Variants in PIK3C2A observed in about 807,000 individuals in gnomAD.
The protein encoded by PIK3C2A is phosphatidylinositol-4-phosphate 3-kinase catalytic subunit type 2 alpha.
Under a neutral mutation model 204.5 loss-of-function variants are expected in PIK3C2A, and 97 were observed. The observed-to-expected ratio is 0.47, with a 90% CI of 0.40 to 0.56. PIK3C2A has a LOEUF of 0.56. Ranked by LOEUF, PIK3C2A falls within the 20% of genes least tolerant of loss-of-function variation. PIK3C2A has a pLI of 0.00. For synonymous variants in PIK3C2A, 653 were observed against 664.4 expected (o/e 0.98, Z 0.26); for missense variants, 1,735 against 1,969.2 (o/e 0.88, Z 2.25).
chr11:17,182,921 C>G (rs1851613327), intron 1 of PIK3C2A, among the ~76,000 whole-genome samples: 1 of 152,150 alleles, frequency 6.6e-6, no homozygotes, highest in South Asian at 2.1e-4. Context: ...TTCACTGCAG[C>G]CTCGACCTCC....
At chr11:17,123,474 G>A (rs1406659127) in intron 13 of PIK3C2A, among the ~76,000 whole-genome samples, 1 of 142,228 alleles carries the variant, frequency 7.0e-6, no homozygotes, top group Non-Finnish European at 1.5e-5. Flanking sequence ...GCCCAAGCTC[G>A]TCTTGAACTC....
chr11:17,138,968 C>A lies in PIK3C2A; in HGVS notation c.1705-2343G>T, dbSNP rs1442025209. On this transcript the variant is annotated intron_variant, in intron 8 of 32. Transcript: ENST00000691414. ...TGTCCCCCAGGCTGGAGTGCGATGGCGCGATCTTGGCTCACTGCAACCTCC... is the reference window on the plus strand; with the variant it reads ...TGTCCCCCAGGCTGGAGTGCGATGGAGCGATCTTGGCTCACTGCAACCTCC... Among the ~76,000 whole-genome samples the A allele has an allele frequency of 3.3e-5, 5 of 151,878 alleles. No homozygotes were observed. In the East Asian group the frequency reaches 7.7e-4, roughly 23 times the overall value.
At chr11:17,115,607 G>A in intron 19 of PIK3C2A, 1 of 150,268 alleles carries the variant, frequency 6.7e-6, no homozygotes, top group East Asian at 1.9e-4. Flanking sequence ...ATATAGAATT[G>A]AGAGTCTAGA....
In PIK3C2A at chr11:17,182,598, A is replaced by G. The variant is rs1017110575; in HGVS notation, c.-65-12792T>C. On this transcript the variant is annotated intron_variant, in intron 1 of 32. Transcript: ENST00000691414. ...AAAAAAAAAAAAAAGTTCGACTTGG[A>G]AAGTTTATCTTTTAGTGATAACATT... is the stretch of plus-strand genomic sequence containing the variant. Among the ~76,000 whole-genome samples, 3 of 151,374 alleles carry G rather than the reference A, an allele frequency of 2.0e-5. 1 individual carries two copies. The highest frequency in any genetic ancestry group is 6.6e-5 in the Admixed American group (1 of 15,196).
intron 25 of PIK3C2A, among the ~76,000 whole-genome samples, chr11:17,100,500 G>A (rs1336251346): frequency 6.6e-6 from 1 of 152,154 alleles, no homozygotes; most frequent in Non-Finnish European, 1.5e-5. Flanking sequence ...GGGATTACAG[G>A]CATGAGCCAC....
intron 8 of PIK3C2A, among the ~76,000 whole-genome samples, chr11:17,144,287 G>T (rs1850160193): frequency 6.6e-6 from 1 of 152,088 alleles, no homozygotes; most frequent in Non-Finnish European, 1.5e-5. Flanking sequence ...CCTCAACTTA[G>T]GTAAGGTGCT....
chr11:17,195,019 C>T (rs145893379), intron 1 of PIK3C2A, among the ~76,000 whole-genome samples: 1 of 152,178 alleles, frequency 6.6e-6, no homozygotes, highest in Non-Finnish European at 1.5e-5. Flanking sequence ...AGTATGCAGT[C>T]ACATTTCCAA....
At chr11:17,096,927 T>G in intron 27 of PIK3C2A, 130 bp downstream of exon 27, 3 of 615,308 alleles carry the variant, frequency 4.9e-6, no homozygotes, top group Non-Finnish European at 8.6e-6. Context: ...TACTTATTTA[T>G]GGACCATTCA....
At chr11:17,193,739 G>C (rs1284370590) in intron 1 of PIK3C2A, among the ~76,000 whole-genome samples, 1 of 150,974 alleles carries the variant, frequency 6.6e-6, no homozygotes, top group East Asian at 2.0e-4. Context: ...CCAGCTACTC[G>C]GGAGGCTGCG....
Position 17,169,761 on chromosome 11 carries a change from C to T in PIK3C2A, c.-20G>A, listed in dbSNP as rs540557619. Reference sequence around the variant, plus strand: ...AGCCATGTCCACTAAAAAGACCAAACCTTCCTTCCTCTATTTTTTTCTTGT... The same window carrying T: ...AGCCATGTCCACTAAAAAGACCAAATCTTCCTTCCTCTATTTTTTTCTTGT... On this transcript the variant is annotated 5_prime_UTR_variant, in exon 2 of 33. Transcript: ENST00000691414. The T allele has an allele frequency of 1.3e-6, 2 of 1,524,840 alleles. No homozygotes were observed. Among genetic ancestry groups the T allele is most frequent in the East Asian group, 4.5e-5 (2 of 44,328 alleles). The allele number at this position is 1,524,840 out of a possible 1,614,324, so 94.5% of individuals were successfully genotyped here.
At chr11:17,197,100 C>T (rs895859702) in intron 1 of PIK3C2A, among the ~76,000 whole-genome samples, 7 of 151,952 alleles carry the variant, frequency 4.6e-5, no homozygotes, top group African/African-American at 1.7e-4. Context: ...AGGCTCACTG[C>T]AACCTCCACC....
chr11:17,126,639 T>C (rs1470838886), intron 13 of PIK3C2A, among the ~76,000 whole-genome samples: 3 of 152,148 alleles, frequency 2.0e-5, no homozygotes, highest in Non-Finnish European at 4.4e-5. Flanking sequence ...ATAATAATCA[T>C]CTCTCTTAAT....
At chr11:17,140,809 A>G (rs1850039411) in intron 8 of PIK3C2A, among the ~76,000 whole-genome samples, 1 of 152,216 alleles carries the variant, frequency 6.6e-6, no homozygotes, top group South Asian at 2.1e-4. Context: ...TGATATATAA[A>G]TTATACCTCA....
At chr11:17,176,099 A>T (rs1442821925) in intron 1 of PIK3C2A, among the ~76,000 whole-genome samples, 1 of 150,690 alleles carries the variant, frequency 6.6e-6, no homozygotes, top group Non-Finnish European at 1.5e-5. Flanking sequence ...TGCCTCCCGG[A>T]TTCAGGGAAT....
rs745608055 is a variant in PIK3C2A, at chr11:17,117,566, T to C, written c.3141A>G (p.Leu1047=). 5 of 1,613,928 alleles carry C rather than the reference T, an allele frequency of 3.1e-6. No homozygotes were observed. Among genetic ancestry groups the C allele is most frequent in the Admixed American group, 1.7e-5 (1 of 60,004 alleles). ...VGGKRLREEL[L]KQTKLVQLLG... is the part of the protein sequence containing the mutation. ...AAAGCTGTACAAGTTTCGTCTGTTTTAGAAGTTCTTCTCTAAGTCGTTTTC... is the reference window on the plus strand; with the variant it reads ...AAAGCTGTACAAGTTTCGTCTGTTTCAGAAGTTCTTCTCTAAGTCGTTTTC... The change falls in exon 19 of 33, where the codon CTA becomes CTG. Residue 1047 remains leucine (L), a synonymous_variant. Transcript: ENST00000691414.
intron 1 of PIK3C2A, among the ~76,000 whole-genome samples, chr11:17,171,467 C>A (rs1271885445): frequency 4.0e-5 from 6 of 149,340 alleles, no homozygotes; most frequent in African/African-American, 1.5e-4. Flanking sequence ...TAGTATAATA[C>A]AAATGAAAAT....
intron 19 of PIK3C2A, among the ~76,000 whole-genome samples, chr11:17,117,121 A>AT (rs1849219784): frequency 6.6e-6 from 1 of 152,228 alleles, no homozygotes; most frequent in Non-Finnish European, 1.5e-5. Flanking sequence ...GTATAGACGT[A>AT]TCCATATTGA....
chr11:17,159,589 T>A (rs1850711457), intron 2 of PIK3C2A, among the ~76,000 whole-genome samples: 1 of 152,182 alleles, frequency 6.6e-6, no homozygotes, highest in Admixed American at 6.5e-5. Context: ...GCTGTCAGCA[T>A]CCATCAGGAT....
chr11:17,174,927 T>TA (rs1851292065), intron 1 of PIK3C2A, among the ~76,000 whole-genome samples: 1 of 151,876 alleles, frequency 6.6e-6, no homozygotes, highest in Non-Finnish European at 1.5e-5. Flanking sequence ...AAATAAAAAA[T>TA]AAAAAAATAG....
Sources: allele counts gnomAD v4.1 joint callset (sites outside exome capture counted in the v4.1 genomes callset), GRCh38; gene constraint gnomAD v4.1.1; transcripts MANE v1.5; gene names NCBI Gene and HGNC (gene_info 2026-07-23, HGNC 2026-07-21).